Variants in OTOGL observed in about 807,000 individuals in gnomAD.
The protein encoded by OTOGL is otogelin-like protein.
OTOGL carries 285 observed loss-of-function variants against 318.5 expected under a neutral mutation model. That is an observed-to-expected ratio of 0.89 (90% CI 0.81 to 0.99). The LOEUF is 0.99. OTOGL is among the 50% of genes least tolerant of loss of function. OTOGL has a pLI of 0.00. For synonymous variants in OTOGL, 987 were observed against 936.5 expected (o/e 1.05, Z -0.99); for missense variants, 2,899 against 2,845.6 (o/e 1.02, Z -0.43).
intron 36 of OTOGL, 97 bp from the exon 37 acceptor site, chr12:80,328,954 A>G: frequency 8.1e-7 from 1 of 1,234,726 alleles, no homozygotes; most frequent in Non-Finnish European, 1.1e-6. Flanking sequence ...CTTTTTCCCA[A>G]AACATTTTCC....
intron 44 of OTOGL, among the ~76,000 whole-genome samples, chr12:80,344,400 G>A (rs1479510898): frequency 2.0e-5 from 3 of 152,108 alleles, no homozygotes; most frequent in African/African-American, 7.2e-5. Flanking sequence ...AAATCAGCTG[G>A]GTGTGGTGGC....
chr12:80,267,235 T>C lies in OTOGL; in HGVS notation c.2391-18T>C. On this transcript the variant is annotated intron_variant, in intron 21 of 58. Transcript: ENST00000547103. ...GAAAAAAATTGTATCCTATTTACTT[T>C]ACTTTTTCTTCGTATAGATTCCACT... 4 of 1,469,686 alleles carry C rather than the reference T, an allele frequency of 2.7e-6. No homozygotes were observed. The highest frequency in any genetic ancestry group is 3.7e-6 in the Non-Finnish European group (4 of 1,076,542). 91.0% of individuals were successfully genotyped at this position (1,469,686 alleles called of 1,614,324 possible). A position where few individuals can be genotyped will look rare whatever the true frequency, so the allele number is the denominator to read the frequency against.
intron 30 of OTOGL, among the ~76,000 whole-genome samples, chr12:80,313,011 ATAAAT>A (rs938604457): frequency 6.6e-6 from 1 of 152,182 alleles, no homozygotes; most frequent in Non-Finnish European, 1.5e-5. Context: ...ATGCAAATAA[ATAAAT>A]TAAGTAAATA....
intron 1 of OTOGL, among the ~76,000 whole-genome samples, chr12:80,174,423 G>T (rs965608250): frequency 1.3e-5 from 2 of 152,152 alleles, no homozygotes; most frequent in South Asian, 4.1e-4. Context: ...ACAAGCTTTA[G>T]TCTTATACTT....
rs888056794 is a variant in OTOGL at position 80,229,581 on chromosome 12, C to T, written c.611+203C>T. Reference sequence around the variant, plus strand: ...CAAGAGTACAGTAAGTTTACCCTTCCTAATGCTTGTGTGCAGAATATAAAC... The same window carrying T: ...CAAGAGTACAGTAAGTTTACCCTTCTTAATGCTTGTGTGCAGAATATAAAC... On this transcript the variant is annotated intron_variant, in intron 8 of 58. Coordinates refer to ENST00000547103, the MANE Select transcript of OTOGL (RefSeq NM_001378609.3). Among the ~76,000 whole-genome samples, 6 of 152,106 alleles carry T rather than the reference C, an allele frequency of 3.9e-5. No homozygotes were observed. The East Asian group carries it at 9.7e-4, about 25-fold the overall frequency.
chr12:80,314,838 T>G (rs973753682), intron 32 of OTOGL, among the ~76,000 whole-genome samples: 1 of 152,170 alleles, frequency 6.6e-6, no homozygotes, highest in African/African-American at 2.4e-5. Flanking sequence ...CCTCAAATAT[T>G]TACCATTGCT....
chr12:80,211,188 A>G (rs1877227168), intron 3 of OTOGL, among the ~76,000 whole-genome samples: 1 of 152,058 alleles, frequency 6.6e-6, no homozygotes, highest in South Asian at 2.1e-4. Context: ...AGTTTGTAAA[A>G]TAAGTTATAT....
chr12:80,258,078 A>G (rs542126957), intron 18 of OTOGL, 76 bp downstream of exon 18: 2 of 1,275,364 alleles, frequency 1.6e-6, no homozygotes, highest in East Asian at 5.2e-5. Context: ...AAAAATGTTT[A>G]CTTAACTAAT....
chr12:80,356,361 G>T lies in OTOGL; in HGVS notation c.5807-55G>T, dbSNP rs574439236. 4.1e-5 allele frequency: 56 copies of T among 1,359,982 alleles called. No individual in the cohort carries two copies. The Admixed American group carries it at 1.0e-3, about 25-fold the overall frequency. The allele number at this position is 1,359,982 out of a possible 1,614,324, so 84.2% of individuals were successfully genotyped here. A position where few individuals can be genotyped will look rare whatever the true frequency, so the allele number is the denominator to read the frequency against. On this transcript the variant is annotated intron_variant, in intron 47 of 58. Transcript: ENST00000547103. ...GTTGGCAGTCATTTCCCTGCTTTGA[G>T]TTGGCAGATTTTAGTTGTGTTCACT...
intron 22 of OTOGL, 74 bp downstream of exon 22, chr12:80,267,401 A>G (rs1592632897): frequency 4.3e-6 from 3 of 699,810 alleles, no homozygotes; most frequent in Non-Finnish European, 5.8e-6. Context: ...TTATATATAT[A>G]TATATATTTT....
chr12:80,305,880 G>A lies in OTOGL; in HGVS notation c.3333+185G>A, dbSNP rs188917549. ...CTGATTACCTTATCATATAAAGGAT[G>A]TTTTCTCCTTAGTATAGATGAAGAA... On this transcript the variant is annotated intron_variant, in intron 29 of 58. Transcript: ENST00000547103. Among the ~76,000 whole-genome samples, 7 of 152,156 alleles carry A rather than the reference G, an allele frequency of 4.6e-5. No individual in the cohort carries two copies. In the East Asian group the frequency reaches 1.3e-3, roughly 29 times the overall value.
At chr12:80,341,904 T>C in intron 43 of OTOGL, 44 bp from the exon 44 acceptor site, 1 of 1,305,414 alleles carries the variant, frequency 7.7e-7, no homozygotes, top group African/African-American at 1.4e-5. Context: ...GCTGTCTACA[T>C]TAGTTTAAGT....
chr12:80,304,567 G>A (rs1310625163), intron 28 of OTOGL, among the ~76,000 whole-genome samples: 2 of 152,128 alleles, frequency 1.3e-5, no homozygotes. Flanking sequence ...AAATATGATT[G>A]TATATTGAAG....
chr12:80,213,775 T>G (rs1265772312), intron 4 of OTOGL, among the ~76,000 whole-genome samples: 2 of 152,140 alleles, frequency 1.3e-5, no homozygotes, highest in Non-Finnish European at 2.9e-5. Context: ...ATCACTTATT[T>G]TCTGAACAAT....
At chr12:80,229,135 T>C in intron 7 of OTOGL, 122 bp from the exon 8 acceptor site, 1 of 1,149,632 alleles carries the variant, frequency 8.7e-7, no homozygotes, top group South Asian at 1.8e-5. Context: ...CAAATGTAGT[T>C]ATAACGTTGT....
At chr12:80,254,975 CCT>C (rs771199058) in intron 15 of OTOGL, 63 bp from the exon 16 acceptor site, 94 of 1,269,450 alleles carry the variant, frequency 7.4e-5, no homozygotes, top group Non-Finnish European at 9.4e-5. Flanking sequence ...GTATCATCCT[CCT>C]CTCTCTCCTC....
chr12:80,108,843 TATG>T (rs1869635492), intron 1 of OTOGL, among the ~76,000 whole-genome samples: 1 of 84,674 alleles, frequency 1.2e-5, no homozygotes, highest in African/African-American at 5.9e-5. Flanking sequence ...ATTGTATATA[TATG>T]TGTATATATA....
At chr12:80,288,233 T>A (rs931484102) in intron 26 of OTOGL, among the ~76,000 whole-genome samples, 1 of 152,202 alleles carries the variant, frequency 6.6e-6, no homozygotes, top group Non-Finnish European at 1.5e-5. Flanking sequence ...GCCCCCACTG[T>A]CTTCTGGCTT....
intron 1 of OTOGL, among the ~76,000 whole-genome samples, chr12:80,146,909 T>C (rs185998953): frequency 0.088 from 10,318 of 117,464 alleles, 997 homozygotes; most frequent in African/African-American, 0.3. Flanking sequence ...GTGATATCCC[T>C]TTTATCATTT....
Sources: allele counts gnomAD v4.1 joint callset (sites outside exome capture counted in the v4.1 genomes callset), GRCh38; gene constraint gnomAD v4.1.1; transcripts MANE v1.5; gene names NCBI Gene and HGNC (gene_info 2026-07-23, HGNC 2026-07-21).